The following PPARGC1B variants were observed in gnomAD, a reference collection of about 807,000 sequenced individuals.
PPARGC1B encodes PPARG coactivator 1 beta.
A neutral mutation model predicts 101.6 loss-of-function variants in PPARGC1B; 34 were observed. That is an observed-to-expected ratio of 0.33 (90% CI 0.25 to 0.45). PPARGC1B has a LOEUF of 0.45. Among genes scored for constraint, PPARGC1B ranks in the 20% least tolerant of loss-of-function variants. The pLI is 1.00. For synonymous variants in PPARGC1B, 548 were observed against 539.3 expected (o/e 1.02, Z -0.22); for missense variants, 1,234 against 1,317.6 (o/e 0.94, Z 0.98).
At chr5:149,828,193 C>A (rs960167606) in intron 3 of PPARGC1B, among the ~76,000 whole-genome samples, 1 of 152,208 alleles carries the variant, frequency 6.6e-6, no homozygotes, top group African/African-American at 2.4e-5. Context: ...CCCAAAGCAG[C>A]GTGAAGCACC....
At position 149,846,068 on chromosome 5, in the gene PPARGC1B, G is replaced by A. The variant is rs573224665; in HGVS notation, c.2971+154G>A. 96 of 819,328 alleles carry A rather than the reference G, an allele frequency of 1.2e-4. No individual in the cohort carries two copies. In the African/African-American group the frequency reaches 1.5e-3, roughly 13 times the overall value. The allele number at this position is 819,328 out of a possible 1,614,324, so 50.8% of individuals were successfully genotyped here. A position where few individuals can be genotyped will look rare whatever the true frequency, so the allele number is the denominator to read the frequency against. On this transcript the variant is annotated intron_variant, in intron 11 of 11. Transcript: ENST00000309241. The stretch of plus-strand genomic sequence containing the variant: ...CTTGGTATAACTTTGCAGCCACTTT[G>A]CCTGAAGACTACCATCCTGTTTCTC...
At chr5:149,750,190 G>A (rs1474671796) in intron 1 of PPARGC1B, among the ~76,000 whole-genome samples, 1 of 151,962 alleles carries the variant, frequency 6.6e-6, no homozygotes, top group African/African-American at 2.4e-5. Flanking sequence ...CCAGGCAAGA[G>A]AATCCCTGAT....
rs957256885 is a variant in PPARGC1B at position 149,837,364 on chromosome 5, A to C, written c.2618+291A>C. ...CCTGGCTATTTGTGGGCTTACGTCT[A>C]TAAAGGAACTTGTCCCTTATCCATT... On this transcript the variant is annotated intron_variant, in intron 8 of 11. Coordinates refer to ENST00000309241, the MANE Select transcript of PPARGC1B (RefSeq NM_133263.4). This position sits in a 1 kb window ranked among gnomAD's most constrained non-coding sequence, Gnocchi z 4.2. Among the ~76,000 whole-genome samples the C allele has an allele frequency of 6.6e-6, 1 of 152,268 alleles. No individual in the cohort carries two copies. The highest frequency in any genetic ancestry group is 2.4e-5 in the African/African-American group (1 of 41,474).
At position 149,845,775 on chromosome 5, in the gene PPARGC1B, C is replaced by G; in HGVS notation, c.2832C>G (p.Gly944=). The change falls in exon 11 of 12, where the codon GGC becomes GGG. Residue 944 remains glycine, a synonymous_variant. Coordinates refer to ENST00000309241, the MANE Select transcript of PPARGC1B (RefSeq NM_133263.4). Reference sequence around the variant, plus strand: ...CTCCCCGCAGAGGCGAGAAGTACGGCTTCATCACCTACCGGTGTTCTGAGC... The same window carrying G: ...CTCCCCGCAGAGGCGAGAAGTACGGGTTCATCACCTACCGGTGTTCTGAGC... ...LTRNRRGEKY[G]FITYRCSEHA... The G allele has an allele frequency of 6.2e-7, 1 of 1,611,676 alleles. No homozygotes were observed. The highest frequency in any genetic ancestry group is 1.3e-5 in the African/African-American group (1 of 75,016).
chr5:149,829,807 G>T (rs554660896), intron 3 of PPARGC1B, among the ~76,000 whole-genome samples: 5 of 151,756 alleles, frequency 3.3e-5, no homozygotes, highest in Non-Finnish European at 7.4e-5. Flanking sequence ...AGGCCGAGGC[G>T]GGCAGATCGC....
chr5:149,830,030 C>CAAAAAAAAAAA (rs60711433), intron 3 of PPARGC1B, among the ~76,000 whole-genome samples: 3 of 34,268 alleles, frequency 8.8e-5, no homozygotes, highest in Non-Finnish European at 1.7e-4. Flanking sequence ...GACTGCATCT[C>CAAAAAAAAAAA]AAAAAAAAAA....
At chr5:149,790,941 C>T (rs1374941374) in intron 1 of PPARGC1B, among the ~76,000 whole-genome samples, 1 of 152,034 alleles carries the variant, frequency 6.6e-6, no homozygotes, top group East Asian at 1.9e-4. Context: ...TCACAAGCTT[C>T]CCTGGGAGAT....
rs186235595 is a variant in PPARGC1B at position 149,751,982 on chromosome 5, A to G, written c.78+21562A>G. ...CCTGCATTGCTGTGAGAATGCATGT[A>G]TAATGGATCTGAAAGCAAATTGCCA... is the stretch of plus-strand genomic sequence containing the variant. On this transcript the variant is annotated intron_variant, in intron 1 of 11. Transcript: ENST00000309241. Among the ~76,000 whole-genome samples, 414 of 152,328 alleles carry G rather than the reference A, an allele frequency of 2.7e-3. 6 individuals are homozygous for G. The highest frequency in any genetic ancestry group is 0.023 in the South Asian group (113 of 4,824).
intron 1 of PPARGC1B, among the ~76,000 whole-genome samples, chr5:149,817,096 C>T (rs183671353): frequency 1.8e-4 from 27 of 152,326 alleles, no homozygotes; most frequent in African/African-American, 5.8e-4. Flanking sequence ...GGCTCAGTCC[C>T]CACGGGGGTC....
intron 1 of PPARGC1B, among the ~76,000 whole-genome samples, chr5:149,786,539 G>T (rs938874484): frequency 1.3e-5 from 2 of 152,290 alleles, no homozygotes; most frequent in East Asian, 3.9e-4. Context: ...GCCCAGCCTC[G>T]TGACACTTAT....
intron 1 of PPARGC1B, among the ~76,000 whole-genome samples, chr5:149,801,448 G>A (rs967908100): frequency 3.3e-5 from 5 of 152,178 alleles, no homozygotes; most frequent in African/African-American, 9.7e-5. Flanking sequence ...AACAGCATGC[G>A]CAGAGGCTAT....
intron 1 of PPARGC1B, among the ~76,000 whole-genome samples, chr5:149,808,947 G>A (rs1757699196): frequency 6.6e-6 from 1 of 151,994 alleles, no homozygotes; most frequent in Non-Finnish European, 1.5e-5. Flanking sequence ...TAGCAATGTG[G>A]GTGTACTTAA....
At chr5:149,738,578 C>G (rs528680957) in intron 1 of PPARGC1B, among the ~76,000 whole-genome samples, 1 of 151,970 alleles carries the variant, frequency 6.6e-6, no homozygotes, top group Non-Finnish European at 1.5e-5. Context: ...TTTAAGCCCC[C>G]TCTTGAAAGC....
chr5:149,757,615 G>T (rs551785177), intron 1 of PPARGC1B, among the ~76,000 whole-genome samples: 1 of 152,316 alleles, frequency 6.6e-6, no homozygotes, highest in South Asian at 2.1e-4. Context: ...TAGTGTCAGC[G>T]TCTGCAGCCA....
downstream of PPARGC1B, chr5:149,855,093 G>A (rs1759914349): frequency 6.6e-6 from 1 of 152,174 alleles, no homozygotes; most frequent in Non-Finnish European, 1.5e-5. Context: ...CACTAAATGG[G>A]GAAGAGATTT....
chr5:149,749,173 T>C (rs75331730), intron 1 of PPARGC1B, among the ~76,000 whole-genome samples: 11 of 152,294 alleles, frequency 7.2e-5, no homozygotes, highest in Non-Finnish European at 1.5e-4. Flanking sequence ...CCTCAATAAA[T>C]TTAATGATGC....
intron 1 of PPARGC1B, chr5:149,739,977 C>T (rs887914703): frequency 6.6e-6 from 1 of 152,234 alleles, no homozygotes; most frequent in African/African-American, 2.4e-5. Flanking sequence ...GGGCTCCCAC[C>T]CTGCTCTTTC....
At chr5:149,857,507 C>G (rs1381666302), downstream of PPARGC1B, among the ~76,000 whole-genome samples, 1 of 152,210 alleles carries the variant, frequency 6.6e-6, no homozygotes, top group Non-Finnish European at 1.5e-5. Context: ...AACCACCAAA[C>G]GTGATGTTCT....
chr5:149,733,924 G>GA (rs1242894858), intron 1 of PPARGC1B, among the ~76,000 whole-genome samples: 1 of 151,974 alleles, frequency 6.6e-6, no homozygotes, highest in Admixed American at 6.5e-5. Context: ...CAAGCATAAA[G>GA]AAAAAAATGA....
Sources: gnomAD v4.1 joint callset for allele counts (sites outside exome capture counted in the v4.1 genomes callset) on GRCh38, gnomAD v4.1.1 for gene constraint, Gnocchi (gnomAD v3.1) non-coding constraint, MANE v1.5 for transcripts, NCBI Gene and HGNC (gene_info 2026-07-23, HGNC 2026-07-21) for gene names.